SLC25A48: variants seen among roughly 807,000 people sequenced by gnomAD.
SLC25A48 encodes CTC-321K16.1.
A neutral mutation model predicts 32.2 loss-of-function variants in SLC25A48; 29 were observed. The observed-to-expected ratio is 0.90, with a 90% CI of 0.67 to 1.23. The LOEUF is 1.23. SLC25A48 is among the 50% of genes most tolerant of loss of function. The pLI, the probability that SLC25A48 is intolerant of heterozygous loss-of-function variation, is 0.00. For missense variants in SLC25A48, 399 were observed against 422.7 expected (o/e 0.94, Z 0.49); for synonymous variants, 164 against 172.3 (o/e 0.95, Z 0.38).
chr5:135,641,962 T>C (rs1336266404), intron 3 of SLC25A48, among the ~76,000 whole-genome samples: 1 of 152,240 alleles, frequency 6.6e-6, no homozygotes, highest in Non-Finnish European at 1.5e-5. Flanking sequence ...GTGTAATACA[T>C]AGAGCCAGAT....
intron 6 of SLC25A48, among the ~76,000 whole-genome samples, chr5:135,877,557 T>C (rs1192051637): frequency 1.3e-5 from 2 of 152,204 alleles, no homozygotes; most frequent in African/African-American, 4.8e-5. Flanking sequence ...CATTTACTCA[T>C]CCATCCATCC....
intron 3 of SLC25A48, among the ~76,000 whole-genome samples, chr5:135,851,323 G>C (rs558490071): frequency 1.3e-5 from 2 of 152,294 alleles, no homozygotes; most frequent in Non-Finnish European, 2.9e-5. Flanking sequence ...ATTGGGGCGA[G>C]CGCTGCAAGC....
intron 3 of SLC25A48, among the ~76,000 whole-genome samples, chr5:135,704,886 G>A (rs1268702858): frequency 2.0e-5 from 3 of 152,232 alleles, no homozygotes; most frequent in East Asian, 3.9e-4. Context: ...GCAGACTGCA[G>A]TGTGTGGTCT....
intron 3 of SLC25A48, among the ~76,000 whole-genome samples, chr5:135,685,791 C>G (rs1237074032): frequency 6.6e-6 from 1 of 152,260 alleles, no homozygotes; most frequent in East Asian, 1.9e-4. Context: ...CTGTGTTCTT[C>G]CATCCACCAC....
intron 7 of SLC25A48, chr5:135,883,547 G>A: frequency 1.1e-6 from 1 of 909,272 alleles, no homozygotes; most frequent in Non-Finnish European, 1.3e-6. Flanking sequence ...TGTGGGTGTT[G>A]CAGGCCCAGA....
chr5:135,743,262 G>A (rs1412741033), intron 3 of SLC25A48, among the ~76,000 whole-genome samples: 1 of 150,276 alleles, frequency 6.7e-6, no homozygotes, highest in Non-Finnish European at 1.5e-5. Flanking sequence ...AGTAGAGACG[G>A]TGTTTCTTTA....
intron 4 of SLC25A48, among the ~76,000 whole-genome samples, chr5:135,815,652 A>G (rs1340731917): frequency 6.6e-6 from 1 of 152,182 alleles, no homozygotes; most frequent in Admixed American, 6.5e-5. Context: ...TTTATGTAAA[A>G]TTAGTTCTAT....
chr5:135,821,083 C>T (rs1166039487), intron 4 of SLC25A48, among the ~76,000 whole-genome samples: 3 of 152,188 alleles, frequency 2.0e-5, no homozygotes, highest in South Asian at 2.1e-4. Context: ...CTTCCTGTCC[C>T]GGCACTGAGG....
At chr5:135,752,461 C>A (rs1755793094) in intron 3 of SLC25A48, among the ~76,000 whole-genome samples, 1 of 152,202 alleles carries the variant, frequency 6.6e-6, no homozygotes, top group Non-Finnish European at 1.5e-5. Context: ...CAAATAGTAT[C>A]ACAACGTGTC....
upstream of SLC25A48, among the ~76,000 whole-genome samples, chr5:135,830,865 A>G (rs560316335): frequency 3.9e-5 from 6 of 152,280 alleles, no homozygotes; most frequent in Non-Finnish European, 8.8e-5. Flanking sequence ...GGTGGCAGAT[A>G]GGTCAGACGG....
At chr5:135,774,131 C>T (rs988169226) in intron 3 of SLC25A48, among the ~76,000 whole-genome samples, 1 of 151,292 alleles carries the variant, frequency 6.6e-6, no homozygotes, top group Non-Finnish European at 1.5e-5. Context: ...AGGGTGTGTA[C>T]ACCCCCCTGT....
At chr5:135,628,631 G>GGA (rs1319415842) in intron 1 of SLC25A48, among the ~76,000 whole-genome samples, 1 of 152,176 alleles carries the variant, frequency 6.6e-6, no homozygotes, top group Non-Finnish European at 1.5e-5. Context: ...ATCAGTCAAT[G>GGA]GATGGCAGTG....
chr5:135,844,082 T>C (rs1759223114), intron 2 of SLC25A48, among the ~76,000 whole-genome samples: 1 of 152,174 alleles, frequency 6.6e-6, no homozygotes, highest in Non-Finnish European at 1.5e-5. Flanking sequence ...TTTCCACCTC[T>C]GTGGTAGCTG....
intron 3 of SLC25A48, among the ~76,000 whole-genome samples, chr5:135,682,332 C>T (rs1401290071): frequency 6.6e-6 from 1 of 152,090 alleles, no homozygotes; most frequent in East Asian, 1.9e-4. Context: ...GTAGGAGGGT[C>T]AATCTAATTC....
chr5:135,706,506 A>G (rs1027247868), intron 3 of SLC25A48, among the ~76,000 whole-genome samples: 1 of 131,494 alleles, frequency 7.6e-6, no homozygotes, highest in African/African-American at 2.6e-5. Context: ...CTAACACATA[A>G]GAAATACTCA....
At chr5:135,794,145 G>GC (rs1474694109) in intron 3 of SLC25A48, among the ~76,000 whole-genome samples, 6 of 151,830 alleles carry the variant, frequency 4.0e-5, no homozygotes, top group Non-Finnish European at 7.4e-5. Context: ...ATTCCCCAGT[G>GC]AGATTGTTCC....
chr5:135,671,604 C>T (rs935855294), intron 3 of SLC25A48: 3 of 152,154 alleles, frequency 2.0e-5, no homozygotes, highest in East Asian at 3.9e-4. Context: ...TGGGGAGCCC[C>T]GCCCCATTAA....
chr5:135,842,262 A>T (rs929385736), intron 1 of SLC25A48, among the ~76,000 whole-genome samples, 154 bp from the exon 2 acceptor site: 1 of 152,034 alleles, frequency 6.6e-6, no homozygotes, highest in African/African-American at 2.4e-5. Flanking sequence ...TCCTTGGTGC[A>T]TGGGCCAGTG....
intron 6 of SLC25A48, among the ~76,000 whole-genome samples, chr5:135,876,554 G>C (rs1762072657): frequency 6.6e-6 from 1 of 151,988 alleles, no homozygotes; most frequent in Non-Finnish European, 1.5e-5. Context: ...GGTAATGTAT[G>C]AACATAGGAA....
Sources: gnomAD v4.1 joint callset for allele counts (sites outside exome capture counted in the v4.1 genomes callset) on GRCh38, gnomAD v4.1.1 for gene constraint, MANE v1.5 for transcripts, NCBI Gene and HGNC (gene_info 2026-07-23, HGNC 2026-07-21) for gene names.